SPHKAP: variants seen among roughly 807,000 people sequenced by gnomAD.
SPHKAP encodes A-kinase anchor protein SPHKAP.
A neutral mutation model predicts 137.5 loss-of-function variants in SPHKAP; 67 were observed. The observed-to-expected ratio is 0.49, with a 90% CI of 0.40 to 0.60. The LOEUF (loss-of-function observed/expected upper bound fraction) is 0.60. Ranked by LOEUF, SPHKAP falls within the 20% of genes least tolerant of loss-of-function variation. The pLI, the probability that SPHKAP is intolerant of heterozygous loss-of-function variation, is 0.00. For synonymous variants in SPHKAP, 813 were observed against 785.3 expected, an observed-to-expected ratio of 1.04 and a Z score of -0.59; for missense variants, 2,097 against 2,069.3, an observed-to-expected ratio of 1.01 and a Z score of -0.26.
chr2:228,016,738 C>T lies in SPHKAP; in HGVS notation c.4116G>A (p.Arg1372=). ...GTTTACATTCGGTAACAGAGTCTTT[C>T]CTCGGGCAATCGAGAGACTCCTGAA... The part of the protein sequence containing the change: ...LLVQESLDCP[R]KDSVTECKQP... Residue 1372 remains arginine (R), a synonymous_variant, in exon 7 of 12, where the codon AGG becomes AGA. Coordinates refer to ENST00000392056, the MANE Select transcript of SPHKAP (RefSeq NM_001142644.2). The T allele has an allele frequency of 6.2e-7, 1 of 1,614,050 alleles. No individual in the cohort carries two copies. The highest frequency in any genetic ancestry group is 2.2e-5 in the East Asian group (1 of 44,844).
intron 3 of SPHKAP, among the ~76,000 whole-genome samples, chr2:228,094,626 G>A (rs1402196852): frequency 3.3e-5 from 5 of 152,084 alleles, no homozygotes; most frequent in African/African-American, 4.8e-5. Context: ...TTTGCGTGCC[G>A]TTTAAAAAAT....
At chr2:228,071,078 C>A (rs567901604) in intron 3 of SPHKAP, among the ~76,000 whole-genome samples, 1 of 152,256 alleles carries the variant, frequency 6.6e-6, no homozygotes, top group Non-Finnish European at 1.5e-5. Context: ...ACACCTTCTT[C>A]TTGTACAACC....
chr2:228,128,064 A>G (rs1699133061), intron 2 of SPHKAP, among the ~76,000 whole-genome samples: 1 of 152,160 alleles, frequency 6.6e-6, no homozygotes, highest in African/African-American at 2.4e-5. Context: ...GCTGAAGGTT[A>G]CAGTAGCTGT....
chr2:228,104,919 A>G (rs1698293566), intron 3 of SPHKAP, among the ~76,000 whole-genome samples: 2 of 152,208 alleles, frequency 1.3e-5, no homozygotes, highest in South Asian at 4.1e-4. Flanking sequence ...AGTAAACATA[A>G]AAAAACAGTG....
At chr2:228,155,872 T>C (rs1700093947) in intron 1 of SPHKAP, among the ~76,000 whole-genome samples, 1 of 152,156 alleles carries the variant, frequency 6.6e-6, no homozygotes, top group South Asian at 2.1e-4. Flanking sequence ...AGAGCTTCTG[T>C]GTGATGCAAG....
chr2:228,071,999 G>C (rs1697019983), intron 3 of SPHKAP, among the ~76,000 whole-genome samples: 1 of 152,122 alleles, frequency 6.6e-6, no homozygotes, highest in African/African-American at 2.4e-5. Flanking sequence ...TTGAATCAGG[G>C]GACTGAGCAG....
chr2:228,163,535 C>T (rs927204155), intron 1 of SPHKAP, among the ~76,000 whole-genome samples: 1 of 152,100 alleles, frequency 6.6e-6, no homozygotes, highest in Non-Finnish European at 1.5e-5. Context: ...TATTTTATCC[C>T]ACTCCATCCT....
intron 3 of SPHKAP, among the ~76,000 whole-genome samples, chr2:228,090,537 T>A (rs1299020736): frequency 1.3e-5 from 2 of 152,168 alleles, no homozygotes; most frequent in African/African-American, 4.8e-5. Context: ...GAGAAGGATA[T>A]GAGATTTTGG....
At chr2:227,981,975 T>C in intron 11 of SPHKAP, 115 bp from the exon 12 acceptor site, 2 of 1,387,648 alleles carry the variant, frequency 1.4e-6, no homozygotes, top group Non-Finnish European at 9.4e-7. Flanking sequence ...ATGTCTCTAG[T>C]GTCAGAGGAC....
chr2:228,113,631 C>CTCTCTCTCTCTCTCTT (rs1698596560), intron 2 of SPHKAP, among the ~76,000 whole-genome samples: 2 of 147,418 alleles, frequency 1.4e-5, no homozygotes, highest in Admixed American at 6.7e-5. Context: ...CTCTCTCTCT[C>CTCTCTCTCTCTCTCTT]TCTCTCTCTC....
At chr2:228,036,789 A>T (rs1329714685) in intron 3 of SPHKAP, among the ~76,000 whole-genome samples, 2 of 152,060 alleles carry the variant, frequency 1.3e-5, no homozygotes, top group African/African-American at 2.4e-5. Flanking sequence ...AAGGACAAAA[A>T]ACCAGACACT....
intron 2 of SPHKAP, among the ~76,000 whole-genome samples, chr2:228,126,562 G>A (rs759511239): frequency 6.6e-6 from 1 of 152,154 alleles, no homozygotes; most frequent in Non-Finnish European, 1.5e-5. Context: ...AGATAATTCC[G>A]AAGCCAGAGA....
intron 1 of SPHKAP, among the ~76,000 whole-genome samples, chr2:228,135,171 G>T (rs1699396588): frequency 6.6e-6 from 1 of 151,782 alleles, no homozygotes; most frequent in African/African-American, 2.4e-5. Flanking sequence ...CTACTCAGGA[G>T]GCTGAGACAG....
chr2:228,176,525 T>C (rs901186995), intron 1 of SPHKAP, among the ~76,000 whole-genome samples: 1 of 152,180 alleles, frequency 6.6e-6, no homozygotes, highest in Admixed American at 6.5e-5. Context: ...TCAGGTAACT[T>C]GCCCAGACAG....
intron 3 of SPHKAP, among the ~76,000 whole-genome samples, chr2:228,093,254 G>A (rs981620391): frequency 1.3e-5 from 2 of 152,190 alleles, no homozygotes; most frequent in African/African-American, 2.4e-5. Context: ...GTTACCATAT[G>A]TAGTAGTACC....
At chr2:228,063,567 G>A (rs558378878) in intron 3 of SPHKAP, among the ~76,000 whole-genome samples, 8 of 152,142 alleles carry the variant, frequency 5.3e-5, no homozygotes, top group Non-Finnish European at 8.8e-5. Context: ...TTAAAAAGTT[G>A]TAACTGGACA....
At chr2:228,111,524 C>A (rs1698515999) in intron 2 of SPHKAP, among the ~76,000 whole-genome samples, 1 of 152,128 alleles carries the variant, frequency 6.6e-6, no homozygotes, top group South Asian at 2.1e-4. Context: ...GGCAAATTTT[C>A]TTTAGCAAAT....
chr2:228,107,807 C>T (rs565759525), intron 3 of SPHKAP, among the ~76,000 whole-genome samples: 4 of 152,200 alleles, frequency 2.6e-5, no homozygotes, highest in African/African-American at 4.8e-5. Context: ...TGTGTTTTCC[C>T]CAAGGAATCC....
intron 11 of SPHKAP, among the ~76,000 whole-genome samples, chr2:227,990,749 A>G (rs372242168): frequency 6.6e-6 from 1 of 152,224 alleles, no homozygotes. Flanking sequence ...AGACTCTAAA[A>G]AAGTTCCCAT....
Sources: gnomAD v4.1 joint callset for allele counts (sites outside exome capture counted in the v4.1 genomes callset) on GRCh38, gnomAD v4.1.1 for gene constraint, MANE v1.5 for transcripts, NCBI Gene and HGNC (gene_info 2026-07-23, HGNC 2026-07-21) for gene names.